Variants in ARHGAP27 observed in about 807,000 individuals in gnomAD.
ARHGAP27 encodes the protein rho GTPase-activating protein 27.
In ARHGAP27, 53 loss-of-function variants were observed where a neutral mutation model predicts 102.0. The ratio of observed to expected loss-of-function variants is 0.52; its 90% CI spans 0.42 to 0.65. ARHGAP27 has a LOEUF of 0.65. Ranked by LOEUF, ARHGAP27 falls within the 30% of genes least tolerant of loss-of-function variation. The probability of loss-of-function intolerance (pLI) is 0.00; values close to 1 mark genes in which losing one functional copy is unlikely to be tolerated. For synonymous variants in ARHGAP27, 525 were observed against 542.8 expected (o/e 0.97, Z 0.46); for missense variants, 1,117 against 1,256.2 (o/e 0.89, Z 1.68).
chr17:45,404,119 G>A, intron 9 of ARHGAP27, 23 bp from the exon 10 acceptor site: 1 of 1,613,912 alleles, frequency 6.2e-7, no homozygotes, highest in Non-Finnish European at 8.5e-7. Flanking sequence ...AGAGAGAGCA[G>A]GCGCAAGAGT....
At chr17:45,396,156 G>C (rs754847357) in intron 17 of ARHGAP27, 39 bp from the exon 18 acceptor site, 8 of 1,598,224 alleles carry the variant, frequency 5.0e-6, no homozygotes, top group Non-Finnish European at 6.8e-6. Flanking sequence ...AGGGAAATCA[G>C]TACCCCTTGC....
rs1408790410 is a variant in ARHGAP27 at position 45,404,526 on chromosome 17, G to A, written c.1332C>T (p.Val444=). 3 of 1,613,328 alleles carry A rather than the reference G, an allele frequency of 1.9e-6. No homozygotes were observed. Among genetic ancestry groups the A allele is most frequent in the Middle Eastern group, 1.7e-4 (1 of 6,052 alleles). The change falls in exon 8 of 20, where the codon GTC becomes GTT. Residue 444 remains valine, a splice_region_variant and synonymous_variant. Transcript: ENST00000685559. ...DSSVRWELPQ[V]PVPAPRSIHK... ...GGATGCTTCGAGGGGCAGGGACAGG[G>A]ACCTGGGGAGAAAGACACAGTCGTA...
chr17:45,408,047 C>T (rs1203942888), intron 4 of ARHGAP27: 1 of 151,734 alleles, frequency 6.6e-6, no homozygotes, highest in African/African-American at 2.4e-5. Flanking sequence ...GTGACACCAT[C>T]ACTAAGCTGT....
In ARHGAP27 at chr17:45,395,799, A is replaced by G. The variant is rs755264846; in HGVS notation, c.2437T>C (p.Ser813Pro). The G allele has an allele frequency of 4.4e-6, 7 of 1,606,318 alleles. No individual in the cohort carries two copies. The highest frequency in any genetic ancestry group is 5.9e-6 in the Non-Finnish European group (7 of 1,177,942). The part of the protein sequence containing the change: ...RSRCVRDLVR[S>P]LPAPNHDTLR... ...GTGTCGTGGTTGGGAGCGGGCAGCG[A>G]GCGCACCAAGTCACGCACACAGCGG... Residue 813 changes from serine (S) to proline (P), a missense_variant, in exon 19 of 20, where the codon TCG becomes CCG. Around this residue, in one of 3 missense-constraint regions of ARHGAP27, gnomAD observed 493 missense variants for 505.5 expected, o/e 0.98. Transcript: ENST00000685559.
At chr17:45,426,631 T>C (rs1205439608) in intron 4 of ARHGAP27, among the ~76,000 whole-genome samples, 11 of 151,044 alleles carry the variant, frequency 7.3e-5, no homozygotes, top group Non-Finnish European at 1.3e-4. Context: ...ACCCACTTTC[T>C]TCTGAGATCC....
In ARHGAP27 at chr17:45,404,491, C is replaced by G. The variant is rs767655130; in HGVS notation, c.1367G>C (p.Ser456Thr). The change falls in exon 8 of 20, where the codon AGC (serine) becomes ACC (threonine). Residue 456 changes from serine to threonine, a missense_variant. By Grantham distance (58) the Ser-to-Thr change is moderately conservative. Coordinates refer to ENST00000685559, the MANE Select transcript of ARHGAP27 (RefSeq NM_001282290.2). ...CTGGGCTGGGGTGTCACCATCCTGG[C>G]TGGATTTATGGATGCTTCGAGGGGC... ...VPAPRSIHKS[S>T]QDGDTPAQAS... is the part of the protein sequence containing the mutation. The G allele has an allele frequency of 3.8e-5, 61 of 1,613,664 alleles. No homozygotes were observed. Among genetic ancestry groups the G allele is most frequent in the Non-Finnish European group, 5.1e-5 (60 of 1,179,862 alleles).
chr17:45,403,779 C>G (rs1252951889), intron 10 of ARHGAP27, 70 bp from the exon 11 acceptor site: 1 of 1,361,502 alleles, frequency 7.3e-7, no homozygotes, highest in Non-Finnish European at 1.0e-6. Flanking sequence ...CCCTCCTACC[C>G]CAGGAACAAG....
intron 16 of ARHGAP27, 54 bp from the exon 17 acceptor site, chr17:45,396,338 C>T: frequency 3.3e-6 from 5 of 1,537,610 alleles, no homozygotes; most frequent in African/African-American, 1.4e-5. Context: ...TAGGGTGGGG[C>T]TACGGGTCCC....
intron 4 of ARHGAP27, chr17:45,410,472 G>T (rs1199009682): frequency 3.1e-6 from 4 of 1,295,904 alleles, no homozygotes; most frequent in Non-Finnish European, 4.0e-6. Flanking sequence ...TGGGGCGGGT[G>T]GGGTGGAGGG....
chr17:45,396,622 G>A, intron 15 of ARHGAP27, 37 bp from the exon 16 acceptor site: 4 of 1,611,382 alleles, frequency 2.5e-6, no homozygotes, highest in Non-Finnish European at 2.5e-6. Flanking sequence ...CCCAGCCTGC[G>A]CCCCGTCCCG....
chr17:45,405,521 T>G (rs1279860432), intron 5 of ARHGAP27, among the ~76,000 whole-genome samples, 155 bp downstream of exon 5: 1 of 136,970 alleles, frequency 7.3e-6, no homozygotes, highest in Non-Finnish European at 1.6e-5. Flanking sequence ...GGTCCCTGGG[T>G]CTGTGGGAGC....
intron 4 of ARHGAP27, among the ~76,000 whole-genome samples, chr17:45,423,590 T>C (rs1463918446): frequency 2.0e-5 from 3 of 151,910 alleles, no homozygotes; most frequent in African/African-American, 7.3e-5. Flanking sequence ...TGCAGACATA[T>C]CATATCATAT....
In ARHGAP27 at chr17:45,412,962, CTTTTTTTTTTTTTTTTT is replaced by C. The variant is rs36233058; in HGVS notation, c.658-6896_658-6880del. ...GTGTGGCACCACGGCTCAGTATAAT[CTTTTTTTTTTTTTTTTT>C]TTTTTTTTTTTTTTTTTTTTAATGG... is the stretch of plus-strand genomic sequence containing the variant. On this transcript the variant is annotated intron_variant, in intron 4 of 19. Transcript: ENST00000685559. Among the ~76,000 whole-genome samples, 374 of 41,142 alleles carry C rather than the reference CTTTTTTTTTTTTTTTTT, an allele frequency of 9.1e-3. 1 individual carries two copies. Among genetic ancestry groups the C allele is most frequent in the African/African-American group, 0.029 (295 of 10,272 alleles). The allele number at this position is 41,142 out of a possible 152,430, so 27.0% of individuals were successfully genotyped here.
In ARHGAP27 at chr17:45,430,600, G is replaced by A. The variant is rs1468186212; in HGVS notation, c.-18-303C>T. On this transcript the variant is annotated intron_variant, in intron 3 of 19. Coordinates refer to ENST00000685559, the MANE Select transcript of ARHGAP27 (RefSeq NM_001282290.2). The surrounding 1 kb of genome is among the most constrained non-coding windows in gnomAD (Gnocchi z 4.4). ...GTCTTGGTCCAAATCGACTGCGAGGGAAGCCTTGGCTTTAAAACGAGGGGT... is the reference window on the plus strand; with the variant it reads ...GTCTTGGTCCAAATCGACTGCGAGGAAAGCCTTGGCTTTAAAACGAGGGGT... Among the ~76,000 whole-genome samples, 1 of 152,170 alleles carries A rather than the reference G, an allele frequency of 6.6e-6. No individual in the cohort carries two copies. Among genetic ancestry groups the A allele is most frequent in the Non-Finnish European group, 1.5e-5 (1 of 68,018 alleles).
At chr17:45,414,448 T>A (rs1170090193) in intron 4 of ARHGAP27, among the ~76,000 whole-genome samples, 1 of 151,654 alleles carries the variant, frequency 6.6e-6, no homozygotes, top group African/African-American at 2.4e-5. Flanking sequence ...GTTGGTTTTT[T>A]TTTTTTTTAG....
intron 12 of ARHGAP27, among the ~76,000 whole-genome samples, chr17:45,398,563 G>A (rs2028078): frequency 0.13 from 19,852 of 151,908 alleles, 1,651 homozygotes; most frequent in Middle Eastern, 0.24. Context: ...GTGAAACCCC[G>A]TCTCTACTAA....
At chr17:45,428,627 G>A (rs2049823066) in intron 4 of ARHGAP27, among the ~76,000 whole-genome samples, 1 of 152,208 alleles carries the variant, frequency 6.6e-6, no homozygotes, top group Admixed American at 6.5e-5. Context: ...GTGGGCATCA[G>A]TGTTCATGGT....
intron 4 of ARHGAP27, among the ~76,000 whole-genome samples, chr17:45,412,393 C>T (rs1317383952): frequency 1.3e-5 from 2 of 152,248 alleles, no homozygotes; most frequent in Non-Finnish European, 2.9e-5. Context: ...AACACCCCTC[C>T]TTTCCCCACT....
chr17:45,396,575 G>C lies in ARHGAP27; in HGVS notation c.2085C>G (p.Phe695Leu), dbSNP rs369152481. Reference protein sequence around the residue: ...REKGYIKDQVFGCALAALCER... With the variant: ...REKGYIKDQVLGCALAALCER... ...CACACAGCGCGGCCAGCGCGCAGCC[G>C]AACACCTGGTCTAGGGCAGAGGCTC... The change falls in exon 16 of 20, where the codon TTC becomes TTG. Residue 695 changes from phenylalanine to leucine, a missense_variant. Transcript: ENST00000685559. 9 of 1,606,328 alleles carry C rather than the reference G, an allele frequency of 5.6e-6. No homozygotes were observed. Among genetic ancestry groups the C allele is most frequent in the Non-Finnish European group, 7.6e-6 (9 of 1,178,100 alleles).
Sources: gnomAD v4.1 joint callset for allele counts (sites outside exome capture counted in the v4.1 genomes callset) on GRCh38, gnomAD v4.1.1 for gene constraint, gnomAD v4.1.1 regional missense constraint, Gnocchi (gnomAD v3.1) non-coding constraint, MANE v1.5 for transcripts, NCBI Gene and HGNC (gene_info 2026-07-23, HGNC 2026-07-21) for gene names.